COX15: variants seen among roughly 807,000 people sequenced by gnomAD.
COX15 encodes cytochrome c oxidase assembly factor COX15, also known as heme A synthase COX15.
A neutral mutation model predicts 51.9 loss-of-function variants in COX15; 51 were observed. The ratio of observed to expected loss-of-function variants is 0.98; its 90% CI spans 0.78 to 1.24. The LOEUF (loss-of-function observed/expected upper bound fraction) is 1.24. COX15 is among the 50% of genes most tolerant of loss of function. The pLI is 0.00. For missense variants in COX15, 420 were observed against 501.1 expected (o/e 0.84, Z 1.55); for synonymous variants, 188 against 190.5 (o/e 0.99, Z 0.11).
Position 99,714,425 on chromosome 10 carries a change from G to T in COX15, c.*162C>A. 1 of 1,496,248 alleles carries T rather than the reference G, an allele frequency of 6.7e-7. No homozygotes were observed. Among genetic ancestry groups the T allele is most frequent in the Non-Finnish European group, 8.9e-7 (1 of 1,125,744 alleles). The allele number at this position is 1,496,248 out of a possible 1,614,324, so 92.7% of individuals were successfully genotyped here. On this transcript the variant is annotated 3_prime_UTR_variant, in exon 9 of 9. Coordinates refer to ENST00000016171, the MANE Select transcript of COX15 (RefSeq NM_078470.6). ...GGGTAACCACACTTAATGCATTCTT[G>T]ATCCAGTGACTATCTCAAAACAGGA...
intron 5 of COX15, among the ~76,000 whole-genome samples, chr10:99,721,966 C>A (rs549183538): frequency 2.0e-5 from 3 of 152,102 alleles, no homozygotes; most frequent in African/African-American, 7.2e-5. Flanking sequence ...CAGGCTCAAG[C>A]GATTCTCCTG....
rs2231677 is a variant in COX15, at chr10:99,732,075, T to C, written c.-26A>G. On this transcript the variant is annotated 5_prime_UTR_variant, in exon 1 of 9. Coordinates refer to ENST00000016171, the MANE Select transcript of COX15 (RefSeq NM_078470.6). Reference sequence around the variant, plus strand: ...ACTGATGACAGGGAACAGCCACCTCTTCCACAACCCAGGGCTCTGTGGTCT... The same window carrying C: ...ACTGATGACAGGGAACAGCCACCTCCTCCACAACCCAGGGCTCTGTGGTCT... 246 of 1,607,234 alleles carry C rather than the reference T, an allele frequency of 1.5e-4. 1 individual carries two copies. In the South Asian group the frequency reaches 2.5e-3, roughly 16 times the overall value.
chr10:99,710,848 A>G (rs2036358710), downstream of COX15: 2 of 985,478 alleles, frequency 2.0e-6, no homozygotes, highest in Non-Finnish European at 2.4e-6. Context: ...GTTACAGACA[A>G]AAAATTCTAG....
At chr10:99,696,174 T>C in the COX15 span, 1 of 1,589,374 alleles carries the variant, frequency 6.3e-7, no homozygotes, top group Middle Eastern at 1.7e-4. Context: ...AGGCTGCAGA[T>C]ATTAGGGAGA....
downstream of COX15, among the ~76,000 whole-genome samples, chr10:99,706,521 T>A (rs1045885228): frequency 6.6e-6 from 1 of 151,364 alleles, no homozygotes; most frequent in Admixed American, 6.6e-5. Context: ...TTTATTTTTT[T>A]AGAGATGGAG....
chr10:99,727,430 C>G lies in COX15; in HGVS notation c.395+11G>C. 1 of 1,612,830 alleles carries G rather than the reference C, an allele frequency of 6.2e-7. No individual in the cohort carries two copies. On this transcript the variant is annotated intron_variant, in intron 3 of 8. Coordinates refer to ENST00000016171, the MANE Select transcript of COX15 (RefSeq NM_078470.6). ...TACTGGGATGTTTACCTAATTTTCT[C>G]TAATACTTACATTTTAAATTCTGGA...
the COX15 span, among the ~76,000 whole-genome samples, chr10:99,703,061 T>C: frequency 6.6e-6 from 1 of 152,354 alleles, no homozygotes; most frequent in African/African-American, 2.4e-5. Flanking sequence ...GTAGGATGTC[T>C]AGAGCAATCT....
chr10:99,696,208 G>C, the COX15 span: 2 of 1,479,314 alleles, frequency 1.4e-6, no homozygotes, highest in Admixed American at 4.0e-5. Context: ...TCCTAAGACA[G>C]ATAAGTCCCT....
intron 1 of COX15, among the ~76,000 whole-genome samples, chr10:99,731,310 T>C (rs932479124): frequency 1.3e-5 from 2 of 152,238 alleles, no homozygotes; most frequent in African/African-American, 4.8e-5. Flanking sequence ...TCTAACACTG[T>C]TCCTTTATAT....
chr10:99,732,014 C>G lies in COX15; in HGVS notation c.36G>C (p.Leu12Phe), dbSNP rs750087100. The change falls in exon 1 of 9, where the codon TTG becomes TTC. Residue 12 changes from leucine to phenylalanine, a missense_variant. Coordinates refer to ENST00000016171, the MANE Select transcript of COX15 (RefSeq NM_078470.6). ...QRLLFPPLRALKGRQYLPLLA... is the reference protein window; with the variant it reads ...QRLLFPPLRAFKGRQYLPLLA... ...GGAGCGGCAGATACTGCCTCCCCTT[C>G]AAGGCCCTCAACGGCGGAAAGAGCA... 7 of 1,613,192 alleles carry G rather than the reference C, an allele frequency of 4.3e-6. No individual in the cohort carries two copies. Among genetic ancestry groups the G allele is most frequent in the Non-Finnish European group, 5.9e-6 (7 of 1,179,798 alleles).
At chr10:99,710,772 C>A (rs572392805), downstream of COX15, 8 of 983,936 alleles carry the variant, frequency 8.1e-6, no homozygotes, top group South Asian at 1.9e-4. Context: ...ATCTCTGCAA[C>A]CAACATTGCT....
At chr10:99,701,430 G>T in the COX15 span, among the ~76,000 whole-genome samples, 1 of 151,722 alleles carries the variant, frequency 6.6e-6, no homozygotes. Flanking sequence ...TGGGACTATA[G>T]GCACGTGCCA....
At chr10:99,710,601 G>A, downstream of COX15, 2 of 985,388 alleles carry the variant, frequency 2.0e-6, no homozygotes, top group Non-Finnish European at 2.4e-6. Flanking sequence ...CAGTGTTGAG[G>A]AAAATGTGTG....
the COX15 span, chr10:99,698,946 T>G: frequency 8.1e-7 from 1 of 1,227,752 alleles, no homozygotes; most frequent in Non-Finnish European, 1.1e-6. Context: ...GCAAAGGGCT[T>G]TGCATACAGA....
At chr10:99,722,659 CCT>C (rs1440822649) in intron 5 of COX15, among the ~76,000 whole-genome samples, 1 of 151,842 alleles carries the variant, frequency 6.6e-6, no homozygotes, top group Non-Finnish European at 1.5e-5. Flanking sequence ...ATGGTGAAAC[CCT>C]GTCTCTACTA....
At chr10:99,694,530 G>GTTT in the COX15 span, among the ~76,000 whole-genome samples, 2 of 61,096 alleles carry the variant, frequency 3.3e-5, no homozygotes, top group Admixed American at 2.2e-4. Context: ...ATGTACATAA[G>GTTT]TTTTTTTGTT....
At chr10:99,716,806 AT>A (rs2036595553) in intron 7 of COX15, among the ~76,000 whole-genome samples, 1 of 151,694 alleles carries the variant, frequency 6.6e-6, no homozygotes, top group Admixed American at 6.6e-5. Flanking sequence ...CTAATCCTAT[AT>A]TCTTAAAGCA....
the COX15 span, chr10:99,700,920 TAG>T: frequency 7.0e-7 from 1 of 1,428,598 alleles, no homozygotes; most frequent in Non-Finnish European, 9.9e-7. Flanking sequence ...GTGGGGAAGG[TAG>T]AGAGTTTGCC....
At chr10:99,698,452 T>G in the COX15 span, 1 of 1,344,676 alleles carries the variant, frequency 7.4e-7, no homozygotes, top group Non-Finnish European at 1.0e-6. Flanking sequence ...AAGATATTTC[T>G]GATGCACATT....
Sources: gnomAD v4.1 joint callset for allele counts (sites outside exome capture counted in the v4.1 genomes callset) on GRCh38, gnomAD v4.1.1 for gene constraint, MANE v1.5 for transcripts, NCBI Gene and HGNC (gene_info 2026-07-23, HGNC 2026-07-21) for gene names.